The following CDH12 variants were observed in gnomAD, a reference collection of about 807,000 sequenced individuals.
The protein encoded by CDH12 is cadherin-12.
In CDH12, 41 loss-of-function variants were observed where a neutral mutation model predicts 74.1. That is an observed-to-expected ratio of 0.55 (90% CI 0.43 to 0.72). The LOEUF is 0.72. CDH12 is among the 30% of genes least tolerant of loss of function. The pLI is 0.00. For synonymous variants in CDH12, 399 were observed against 355.0 expected, an observed-to-expected ratio of 1.12 and a Z score of -1.39; for missense variants, 945 against 977.2, an observed-to-expected ratio of 0.97 and a Z score of 0.44.
chr5:22,067,269 C>A (rs1253160723), intron 5 of CDH12, among the ~76,000 whole-genome samples: 1 of 152,088 alleles, frequency 6.6e-6, no homozygotes, highest in Non-Finnish European at 1.5e-5. Flanking sequence ...ATAAATCTGA[C>A]AAAAATGTAT....
chr5:22,121,698 C>T (rs1208400631), intron 4 of CDH12, among the ~76,000 whole-genome samples: 4 of 151,738 alleles, frequency 2.6e-5, no homozygotes, highest in South Asian at 2.1e-4. Flanking sequence ...TTGTGTATTC[C>T]TTTTTTCATA....
chr5:21,940,904 A>G (rs1399349679), intron 6 of CDH12, among the ~76,000 whole-genome samples: 1 of 152,060 alleles, frequency 6.6e-6, no homozygotes, highest in Non-Finnish European at 1.5e-5. Flanking sequence ...GAAAAAAATC[A>G]CAAAAAGGAA....
At chr5:22,774,986 A>T (rs971845069) in intron 1 of CDH12, among the ~76,000 whole-genome samples, 1 of 151,930 alleles carries the variant, frequency 6.6e-6, no homozygotes, top group Non-Finnish European at 1.5e-5. Flanking sequence ...TTCTAAAATA[A>T]AAGTCACAAT....
chr5:21,924,491 G>C (rs144854402), intron 6 of CDH12, among the ~76,000 whole-genome samples: 4,066 of 151,892 alleles, frequency 0.027, 90 homozygotes, highest in Middle Eastern at 0.058. Flanking sequence ...ACTCCAGCCT[G>C]GGCAACAAGA....
At chr5:21,835,048 C>T (rs964944216) in intron 8 of CDH12, among the ~76,000 whole-genome samples, 1 of 151,752 alleles carries the variant, frequency 6.6e-6, no homozygotes, top group Non-Finnish European at 1.5e-5. Context: ...TATGTGTATG[C>T]TGGGGGTGTT....
At chr5:22,073,977 G>A (rs911950999) in intron 5 of CDH12, among the ~76,000 whole-genome samples, 2 of 152,130 alleles carry the variant, frequency 1.3e-5, no homozygotes, top group African/African-American at 4.8e-5. Context: ...GCTAAAGATA[G>A]TACAGTTGAT....
intron 1 of CDH12, among the ~76,000 whole-genome samples, chr5:22,696,975 ACTC>A (rs1206310965): frequency 6.6e-6 from 1 of 152,194 alleles, no homozygotes; most frequent in Admixed American, 6.5e-5. Context: ...CTTAAAAAGA[ACTC>A]CTACCGTGTA....
At chr5:22,706,958 C>T (rs569574071) in intron 1 of CDH12, among the ~76,000 whole-genome samples, 1 of 152,134 alleles carries the variant, frequency 6.6e-6, no homozygotes, top group Non-Finnish European at 1.5e-5. Context: ...AAGACAGGCT[C>T]ATTTCAGAAA....
At chr5:21,783,883 G>C (rs1419359196) in intron 10 of CDH12, among the ~76,000 whole-genome samples, 2 of 152,044 alleles carry the variant, frequency 1.3e-5, no homozygotes, top group Non-Finnish European at 2.9e-5. Context: ...CAACTACAAA[G>C]AACCCAGGTC....
At chr5:22,461,597 A>G (rs559946412) in intron 2 of CDH12, among the ~76,000 whole-genome samples, 2 of 152,016 alleles carry the variant, frequency 1.3e-5, no homozygotes, top group Non-Finnish European at 2.9e-5. Context: ...GTGTATATGA[A>G]TAATATGGTT....
intron 4 of CDH12, among the ~76,000 whole-genome samples, chr5:22,100,367 G>T (rs1744066861): frequency 6.6e-6 from 1 of 152,202 alleles, no homozygotes; most frequent in Non-Finnish European, 1.5e-5. Flanking sequence ...TAGAAAAATA[G>T]TAAGAGGTGA....
rs149018184 is a variant in CDH12, at chr5:22,657,745, C to T, written c.-522-152381G>A. On this transcript the variant is annotated intron_variant, in intron 1 of 14. Coordinates refer to ENST00000382254, the MANE Select transcript of CDH12 (RefSeq NM_004061.5). Reference sequence around the variant, plus strand: ...AAACTCACGTGCTTTCAAAATAAGGCAAATTTAAAATGAGGCGGAAAGAAA... The same window carrying T: ...AAACTCACGTGCTTTCAAAATAAGGTAAATTTAAAATGAGGCGGAAAGAAA... Among the ~76,000 whole-genome samples the T allele has an allele frequency of 8.0e-3, 1,213 of 152,092 alleles. 15 individuals carry two copies. The highest frequency in any genetic ancestry group is 0.054 in the Middle Eastern group (16 of 294).
rs555608501 is a variant in CDH12, at chr5:21,754,464, G to C, written c.1885+1127C>G. Among the ~76,000 whole-genome samples the C allele has an allele frequency of 7.9e-5, 12 of 152,238 alleles. No homozygotes were observed. The South Asian group carries it at 2.5e-3, about 32-fold the overall frequency. The stretch of plus-strand genomic sequence containing the variant: ...GTTTATATTAACACAAAAGATGCCA[G>C]GGATAATTTATTATGAATTATAAGG... On this transcript the variant is annotated intron_variant, in intron 14 of 14. Transcript: ENST00000382254.
intron 9 of CDH12, among the ~76,000 whole-genome samples, chr5:21,810,943 G>T (rs1747712512): frequency 6.6e-6 from 1 of 151,862 alleles, no homozygotes; most frequent in Non-Finnish European, 1.5e-5. Context: ...TGTCAAGCGT[G>T]AAAAAAGAAA....
chr5:22,742,098 C>T (rs1305239364), intron 1 of CDH12, among the ~76,000 whole-genome samples: 1 of 151,934 alleles, frequency 6.6e-6, no homozygotes. Flanking sequence ...AGGAGAATCA[C>T]TTGAACGTGG....
chr5:21,981,449 T>G (rs1286197864), intron 5 of CDH12, among the ~76,000 whole-genome samples: 1 of 152,082 alleles, frequency 6.6e-6, no homozygotes, highest in Non-Finnish European at 1.5e-5. Flanking sequence ...TTTTGATGCA[T>G]TTAAAAGTAG....
chr5:22,838,236 G>T (rs188687670), intron 1 of CDH12, among the ~76,000 whole-genome samples: 77 of 152,216 alleles, frequency 5.1e-4, no homozygotes, highest in Non-Finnish European at 8.8e-4. Flanking sequence ...TTCAAAGGGG[G>T]CAACAGCTTC....
intron 5 of CDH12, among the ~76,000 whole-genome samples, chr5:22,036,901 T>A (rs2150179246): frequency 6.6e-6 from 1 of 152,342 alleles, no homozygotes; most frequent in South Asian, 2.1e-4. Flanking sequence ...AAGATAATTT[T>A]ATTTTTGATT....
chr5:22,613,379 C>T (rs553146598), intron 1 of CDH12, among the ~76,000 whole-genome samples: 22 of 152,020 alleles, frequency 1.4e-4, no homozygotes, highest in African/African-American at 3.9e-4. Context: ...CAGAAATATA[C>T]GTAAATATTA....
Sources: allele counts gnomAD v4.1 joint callset (sites outside exome capture counted in the v4.1 genomes callset), GRCh38; gene constraint gnomAD v4.1.1; transcripts MANE v1.5; gene names NCBI Gene and HGNC (gene_info 2026-07-23, HGNC 2026-07-21).